The following CLTRN variants were observed in gnomAD, a reference collection of about 807,000 sequenced individuals.
CLTRN encodes the protein collectrin.
Under a neutral mutation model 14.5 loss-of-function variants are expected in CLTRN, and 12 were observed. The observed-to-expected ratio is 0.83, with a 90% CI of 0.53 to 1.34. The LOEUF (loss-of-function observed/expected upper bound fraction) is 1.34. CLTRN is among the 40% of genes most tolerant of loss of function. CLTRN has a pLI of 0.00. For missense variants in CLTRN, 154 were observed against 165.1 expected (o/e 0.93, Z 0.37); for synonymous variants, 58 against 56.5 (o/e 1.03, Z -0.12).
At position 15,627,956 on chromosome X, in the gene CLTRN, C is replaced by G. The variant is rs1411214460; in HGVS notation, c.*15G>C. 1.0e-6 allele frequency: 1 copy of G among 1,002,820 alleles called. No individual in the cohort carries two copies. The highest frequency in any genetic ancestry group is 1.3e-6 in the Non-Finnish European group (1 of 782,170). The allele number at this position is 1,002,820 out of a possible 1,213,427, so 82.6% of individuals were successfully genotyped here. The stretch of plus-strand genomic sequence containing the variant: ...ACAAATGTTTAATTTCTTGAGGAAG[C>G]AGAACAACAGCCCTTCAGAGAGGGG... On this transcript the variant is annotated 3_prime_UTR_variant, in exon 6 of 6. Coordinates refer to ENST00000380342, the MANE Select transcript of CLTRN (RefSeq NM_020665.6).
intron 3 of CLTRN, among the ~76,000 whole-genome samples, chrX:15,650,056 G>A (rs1929180272): frequency 1.0e-5 from 1 of 99,070 alleles, no homozygotes; most frequent in African/African-American, 3.8e-5. Context: ...TCTATGTTTT[G>A]TATGATATAT....
At chrX:15,646,475 A>ACC in intron 3 of CLTRN, 2 of 93,751 alleles carry the variant, frequency 2.1e-5, no homozygotes, top group African/African-American at 8.6e-5. Context: ...CCCCCGCCCG[A>ACC]CCCCCGCGCC....
intron 3 of CLTRN, among the ~76,000 whole-genome samples, chrX:15,648,809 C>CA (rs112310736): frequency 1.6e-3 from 154 of 96,624 alleles, no homozygotes; most frequent in African/African-American, 2.5e-3. Context: ...GACTCCGTCT[C>CA]AAAAAAAAAA....
intron 5 of CLTRN, among the ~76,000 whole-genome samples, chrX:15,634,905 C>T (rs1928781281): frequency 9.4e-6 from 1 of 106,540 alleles, no homozygotes; most frequent in Non-Finnish European, 1.9e-5. Flanking sequence ...GCACAATGTG[C>T]ACATGTACCC....
chrX:15,628,009 C>T lies in CLTRN; in HGVS notation c.631G>A (p.Ala211Thr), dbSNP rs1360396542. ...LDMKGGHINDAFMTEDERLTP... is the reference protein window; with the variant it reads ...LDMKGGHINDTFMTEDERLTP... Reference sequence around the variant, plus strand: ...AGCCTCTCATCCTCTGTCATGAAGGCATCATTAATATGCCCTCCCTTCATG... The same window carrying T: ...AGCCTCTCATCCTCTGTCATGAAGGTATCATTAATATGCCCTCCCTTCATG... Residue 211 changes from alanine to threonine, a missense_variant, in exon 6 of 6, where the codon GCC (alanine) becomes ACC (threonine). Ala to Thr is a moderately conservative substitution (Grantham distance 58). Transcript: ENST00000380342. 2 of 1,115,619 alleles carry T rather than the reference C, an allele frequency of 1.8e-6. No homozygotes were observed. Among genetic ancestry groups the T allele is most frequent in the South Asian group, 4.9e-5 (2 of 41,074 alleles). The allele number at this position is 1,115,619 out of a possible 1,213,427, so 91.9% of individuals were successfully genotyped here. A position where few individuals can be genotyped will look rare whatever the true frequency, so the allele number is the denominator to read the frequency against.
At position 15,671,463 on chromosome X, in the gene CLTRN, GGA is replaced by G. The variant is rs756056602; in HGVS notation, c.-506+3524_-506+3525del. 3.8e-3 allele frequency among the ~76,000 whole-genome samples: 428 copies of G among 112,076 alleles called. 2 individuals are homozygous for G. Among genetic ancestry groups the G allele is most frequent in the African/African-American group, 0.013 (415 of 30,825 alleles). ...GTAGAGTGGTTCAGAGGAAGATGGG[GGA>G]GAGAGCATCAGTGTAGATGCATCTG... is the stretch of plus-strand genomic sequence containing the variant. On this transcript the variant is annotated intron_variant, in intron 1 of 6. Transcript: ENST00000650271.
intron 4 of CLTRN, among the ~76,000 whole-genome samples, chrX:15,642,775 A>C (rs758083096): frequency 1.4e-4 from 16 of 111,743 alleles, no homozygotes; most frequent in Non-Finnish European, 3.0e-4. Flanking sequence ...TTTATAAAGG[A>C]GAGATAATAG....
intron 4 of CLTRN, among the ~76,000 whole-genome samples, chrX:15,640,879 T>C (rs1413800828): frequency 8.9e-6 from 1 of 112,029 alleles, no homozygotes; most frequent in Non-Finnish European, 1.9e-5. Context: ...AACCACAGTG[T>C]GGTACAAAAT....
At chrX:15,657,273 T>C (rs1340795275) in intron 3 of CLTRN, among the ~76,000 whole-genome samples, 1 of 112,609 alleles carries the variant, frequency 8.9e-6, no homozygotes, top group African/African-American at 3.2e-5. Flanking sequence ...GTTTTGGGAT[T>C]GGAGGCGTGA....
intron 3 of CLTRN, among the ~76,000 whole-genome samples, chrX:15,656,474 G>A (rs1427169329): frequency 1.8e-5 from 2 of 111,166 alleles, no homozygotes; most frequent in Non-Finnish European, 3.8e-5. Flanking sequence ...ACAATGGTGG[G>A]CGGGGGGGAG....
upstream of CLTRN, among the ~76,000 whole-genome samples, chrX:15,667,250 TAA>T (rs1929639826): frequency 9.1e-6 from 1 of 109,607 alleles, no homozygotes; most frequent in African/African-American, 3.3e-5. Flanking sequence ...AATAAATAAA[TAA>T]ATAAATAAAT....
At chrX:15,641,636 C>CTGTGTG (rs56407617) in intron 4 of CLTRN, among the ~76,000 whole-genome samples, 2,979 of 88,407 alleles carry the variant, frequency 0.034, 124 homozygotes, top group African/African-American at 0.1. Context: ...CCACACCTGG[C>CTGTGTG]TGTGTGTGTG....
rs767493704 is a variant in CLTRN, at chrX:15,631,068, A to G, written c.513-2941T>C. On this transcript the variant is annotated intron_variant, in intron 5 of 5. Transcript: ENST00000380342. ...CAGTCCTTGTCCTAAAATGAACTCA[A>G]TGAAAGGGAAAAATGCCATATATAC... Among the ~76,000 whole-genome samples the G allele has an allele frequency of 2.7e-5, 3 of 112,212 alleles. 1 individual carries two copies. Among genetic ancestry groups the G allele is most frequent in the African/African-American group, 9.7e-5 (3 of 30,928 alleles).
At chrX:15,651,330 T>C (rs900116910) in intron 3 of CLTRN, among the ~76,000 whole-genome samples, 1 of 111,165 alleles carries the variant, frequency 9.0e-6, no homozygotes, top group Non-Finnish European at 1.9e-5. Flanking sequence ...ATGCAGGAAT[T>C]TAGTGATGCT....
intron 1 of CLTRN, among the ~76,000 whole-genome samples, chrX:15,673,173 C>T (rs1398720804): frequency 8.9e-6 from 1 of 112,680 alleles, no homozygotes. Context: ...ACAAACAGTG[C>T]TTCTCAAAAG....
At chrX:15,645,778 G>A (rs1929050667) in intron 3 of CLTRN, among the ~76,000 whole-genome samples, 1 of 112,108 alleles carries the variant, frequency 8.9e-6, no homozygotes, top group South Asian at 3.7e-4. Context: ...TACTCAGGAT[G>A]GAAATTATAG....
intron 3 of CLTRN, among the ~76,000 whole-genome samples, chrX:15,653,618 C>T (rs1381859229): frequency 8.9e-6 from 1 of 111,982 alleles, no homozygotes; most frequent in East Asian, 2.8e-4. Flanking sequence ...CCCTTCTCTG[C>T]CTCCTCCACA....
chrX:15,636,125 T>C (rs77421725), intron 5 of CLTRN, among the ~76,000 whole-genome samples: 1 of 112,387 alleles, frequency 8.9e-6, no homozygotes, highest in South Asian at 3.6e-4. Context: ...ACAGCCATTA[T>C]GGAAAACAGT....
At chrX:15,665,679 GTTTAA>G (rs370616673), upstream of CLTRN, among the ~76,000 whole-genome samples, 36 of 112,404 alleles carry the variant, frequency 3.2e-4, no homozygotes, top group South Asian at 0.012. Context: ...TGGAATTTTT[GTTTAA>G]TTTAATTTAA....
Sources: allele counts gnomAD v4.1 joint callset (sites outside exome capture counted in the v4.1 genomes callset), GRCh38; gene constraint gnomAD v4.1.1; transcripts MANE v1.5; gene names NCBI Gene and HGNC (gene_info 2026-07-23, HGNC 2026-07-21).